KLHL42: variants seen among roughly 807,000 people sequenced by gnomAD.
The protein encoded by KLHL42 is kelch like family member 42, also known as kelch-like protein 42.
A neutral mutation model predicts 32.7 loss-of-function variants in KLHL42; 27 were observed. The observed-to-expected ratio is 0.83, with a 90% confidence interval of 0.61 to 1.14. The LOEUF (loss-of-function observed/expected upper bound fraction) is 1.14. Among genes scored for constraint, KLHL42 ranks in the 50% most tolerant of loss-of-function variants. KLHL42 has a pLI of 0.00. For missense variants in KLHL42, 491 were observed against 560.8 expected (o/e 0.88, Z 1.26); for synonymous variants, 267 against 248.2 (o/e 1.08, Z -0.71).
intron 1 of KLHL42, among the ~76,000 whole-genome samples, chr12:27,788,654 C>T (rs1448927996): frequency 2.0e-5 from 3 of 152,142 alleles, no homozygotes; most frequent in Admixed American, 2.0e-4. Context: ...ATGATCAGGC[C>T]ACTGCATTCC....
chr12:27,782,559 A>G (rs1196145171), intron 1 of KLHL42, among the ~76,000 whole-genome samples: 1 of 152,156 alleles, frequency 6.6e-6, no homozygotes, highest in East Asian at 1.9e-4. Flanking sequence ...TGAAACAACA[A>G]AGGAACATTG....
At position 27,791,791 on chromosome 12, in the gene KLHL42, C is replaced by T. The variant is rs140121553; in HGVS notation, c.956C>T (p.Pro319Leu). ...QAVSNVECYNPEQDAWNFVAP... is the reference protein window; with the variant it reads ...QAVSNVECYNLEQDAWNFVAP... ...GTTTCTAACGTTGAGTGTTACAACC[C>T]CGAGCAGGATGCGTGGAATTTTGTG... The change falls in exon 2 of 3, where the codon CCC (proline) becomes CTC (leucine). Residue 319 changes from proline to leucine, a missense_variant. Pro to Leu is a moderately conservative substitution (Grantham distance 98). Coordinates refer to ENST00000381271, the MANE Select transcript of KLHL42 (RefSeq NM_020782.2). The T allele has an allele frequency of 1.2e-6, 2 of 1,614,036 alleles. No individual in the cohort carries two copies. Among genetic ancestry groups the T allele is most frequent in the African/African-American group, 2.7e-5 (2 of 74,912 alleles).
Position 27,802,753 on chromosome 12 carries a change from A to C in KLHL42, c.*4587A>C, listed in dbSNP as rs1174617700. On this transcript the variant is annotated 3_prime_UTR_variant, in exon 3 of 3. Transcript: ENST00000381271. Reference sequence around the variant, plus strand: ...GTTGTCATTTTTCCTATTAAAAAAAACCCTTAAGAATGGGGCACTTGAGCT... The same window carrying C: ...GTTGTCATTTTTCCTATTAAAAAAACCCCTTAAGAATGGGGCACTTGAGCT... 1.3e-5 allele frequency: 2 copies of C among 152,440 alleles called. No homozygotes were observed. Among genetic ancestry groups the C allele is most frequent in the Admixed American group, 1.3e-4 (2 of 15,226 alleles). 9.4% of individuals were successfully genotyped at this position (152,440 alleles called of 1,614,324 possible). A position where few individuals can be genotyped will look rare whatever the true frequency, so the allele number is the denominator to read the frequency against.
intron 1 of KLHL42, among the ~76,000 whole-genome samples, chr12:27,783,709 G>A (rs1283113844): frequency 6.6e-6 from 1 of 151,998 alleles, no homozygotes; most frequent in East Asian, 1.9e-4. Context: ...AGCCTCCCGA[G>A]GAGCTGGGAC....
Position 27,802,466 on chromosome 12 carries a change from A to G in KLHL42, c.*4300A>G, listed in dbSNP as rs560538151. The G allele has an allele frequency of 4.6e-5, 7 of 152,724 alleles. No homozygotes were observed. Among genetic ancestry groups the G allele is most frequent in the African/African-American group, 1.4e-4 (6 of 41,582 alleles). The allele number at this position is 152,724 out of a possible 1,614,324, so 9.5% of individuals were successfully genotyped here. A position where few individuals can be genotyped will look rare whatever the true frequency, so the allele number is the denominator to read the frequency against. ...GATAATTATCAAAGGATAGTTTTTCATCCTTAGATTTTATTCACATGAGAG... is the reference window on the plus strand; with the variant it reads ...GATAATTATCAAAGGATAGTTTTTCGTCCTTAGATTTTATTCACATGAGAG... On this transcript the variant is annotated 3_prime_UTR_variant, in exon 3 of 3. Transcript: ENST00000381271.
In KLHL42 at chr12:27,793,643, A is replaced by G. The variant is rs531463777; in HGVS notation, c.1066+1742A>G. On this transcript the variant is annotated intron_variant, in intron 2 of 2. Coordinates refer to ENST00000381271, the MANE Select transcript of KLHL42 (RefSeq NM_020782.2). The stretch of plus-strand genomic sequence containing the variant: ...CAGAGGGGTGCCTTTCCTTCCCTCT[A>G]CTCTCCAAAGCAGATGTCTCCAAGT... Among the ~76,000 whole-genome samples, 12 of 152,132 alleles carry G rather than the reference A, an allele frequency of 7.9e-5. 1 individual carries two copies. Among genetic ancestry groups the G allele is most frequent in the Middle Eastern group, 6.8e-3 (2 of 294 alleles).
intron 2 of KLHL42, among the ~76,000 whole-genome samples, chr12:27,794,548 G>C (rs983371020): frequency 6.6e-6 from 1 of 152,162 alleles, no homozygotes; most frequent in Non-Finnish European, 1.5e-5. Context: ...AAATAGTGTA[G>C]TGGCACAGTC....
rs1261605387 is a variant in KLHL42 at position 27,802,625 on chromosome 12, T to A, written c.*4459T>A. 6.6e-6 allele frequency: 1 copy of A among 152,666 alleles called. No homozygotes were observed. The highest frequency in any genetic ancestry group is 6.5e-5 in the Admixed American group (1 of 15,284). The allele number at this position is 152,666 out of a possible 1,614,324, so 9.5% of individuals were successfully genotyped here. A position where few individuals can be genotyped will look rare whatever the true frequency, so the allele number is the denominator to read the frequency against. On this transcript the variant is annotated 3_prime_UTR_variant, in exon 3 of 3. Transcript: ENST00000381271. ...ATTAAATATAAAAGATGGTCAGTTT[T>A]GAAGAGCAAAGGGTGCTGAAATGAC...
intron 1 of KLHL42, 102 bp from the exon 2 acceptor site, chr12:27,791,606 A>T: frequency 1.9e-6 from 2 of 1,061,000 alleles, no homozygotes; most frequent in Non-Finnish European, 2.8e-6. Context: ...GGGAGAGCGA[A>T]TTTTCTTCAG....
At chr12:27,789,106 A>C (rs533847962) in intron 1 of KLHL42, among the ~76,000 whole-genome samples, 1 of 152,348 alleles carries the variant, frequency 6.6e-6, no homozygotes, top group Non-Finnish European at 1.5e-5. Context: ...CAACGCTCCC[A>C]AGGTTAAGAA....
At chr12:27,796,605 GAC>G (rs2062219731) in intron 2 of KLHL42, among the ~76,000 whole-genome samples, 1 of 151,952 alleles carries the variant, frequency 6.6e-6, no homozygotes, top group Non-Finnish European at 1.5e-5. Flanking sequence ...TTCAAAAAGA[GAC>G]GAGGCCATAT....
rs763503479 is a variant in KLHL42 at position 27,797,988 on chromosome 12, A to G, written c.1340A>G (p.His447Arg). ...GGTCTTAACTTGACTTGTGCGCTCC[A>G]TAACGACGGCATCTACATCATGAGC... ...KSGLNLTCAL[H>R]NDGIYIMSRD... Residue 447 changes from histidine (H) to arginine (R), a missense_variant, in exon 3 of 3, where the codon CAT (histidine) becomes CGT (arginine). Physicochemically the swap from His to Arg is conservative, Grantham distance 29. Coordinates refer to ENST00000381271, the MANE Select transcript of KLHL42 (RefSeq NM_020782.2). The G allele has an allele frequency of 7.7e-6, 6 of 781,070 alleles. No homozygotes were observed. The highest frequency in any genetic ancestry group is 1.7e-5 in the Admixed American group (1 of 59,038). 48.4% of individuals were successfully genotyped at this position (781,070 alleles called of 1,614,324 possible).
chr12:27,789,735 T>C (rs144388381), intron 1 of KLHL42, among the ~76,000 whole-genome samples: 13 of 152,232 alleles, frequency 8.5e-5, no homozygotes, highest in African/African-American at 2.2e-4. Flanking sequence ...TTAAGGACCA[T>C]TGGCAGCAAG....
rs748211052 is a variant in KLHL42 at position 27,780,469 on chromosome 12, G to A, written c.139G>A (p.Gly47Ser). Residue 47 changes from glycine (G) to serine (S), a missense_variant, in exon 1 of 3, where the codon GGC (glycine) becomes AGC (serine). Gly to Ser is a moderately conservative substitution (Grantham distance 56). Around this residue, in one of 4 missense-constraint regions of KLHL42, gnomAD observed 88 missense variants for 89.0 expected, o/e 0.99. Coordinates refer to ENST00000381271, the MANE Select transcript of KLHL42 (RefSeq NM_020782.2). The surrounding 1 kb of genome is among the most constrained non-coding windows in gnomAD (Gnocchi z 8.8). Reference sequence around the variant, plus strand: ...GCGCGAGGCCCTGAGCCAGGAGGCCGGCGGCCCGGAGGTGCAGCAGCTGCG... The same window carrying A: ...GCGCGAGGCCCTGAGCCAGGAGGCCAGCGGCCCGGAGGTGCAGCAGCTGCG... ...GMREALSQEA[G>S]GPEVQQLRGL... The A allele has an allele frequency of 1.3e-6, 2 of 1,544,368 alleles. No individual in the cohort carries two copies. Among genetic ancestry groups the A allele is most frequent in the East Asian group, 5.0e-5 (2 of 40,074 alleles).
At chr12:27,782,276 A>G (rs191677039) in intron 1 of KLHL42, among the ~76,000 whole-genome samples, 35 of 152,310 alleles carry the variant, frequency 2.3e-4, no homozygotes, top group African/African-American at 8.2e-4. Context: ...TTTGGGGGAA[A>G]TAACTGGCTT....
rs758115222 is a variant in KLHL42, at chr12:27,791,780, G to A, written c.945G>A (p.Glu315=). Residue 315 remains glutamate, a synonymous_variant, in exon 2 of 3, where the codon GAG becomes GAA. Coordinates refer to ENST00000381271, the MANE Select transcript of KLHL42 (RefSeq NM_020782.2). ...AIGGQAVSNV[E]CYNPEQDAWN... ...GAGGGCAGGCCGTTTCTAACGTTGAGTGTTACAACCCCGAGCAGGATGCGT... is the reference window on the plus strand; with the variant it reads ...GAGGGCAGGCCGTTTCTAACGTTGAATGTTACAACCCCGAGCAGGATGCGT... The A allele has an allele frequency of 1.2e-6, 2 of 1,614,194 alleles. No individual in the cohort carries two copies. The highest frequency in any genetic ancestry group is 2.2e-5 in the South Asian group (2 of 91,084).
chr12:27,781,252 A>G (rs1364790540), intron 1 of KLHL42, 50 bp downstream of exon 1: 7 of 1,585,114 alleles, frequency 4.4e-6, no homozygotes, highest in Non-Finnish European at 6.0e-6. Flanking sequence ...TCACTTGTTC[A>G]TTAGTTCATT....
chr12:27,784,221 G>A (rs962148780), intron 1 of KLHL42, among the ~76,000 whole-genome samples: 34 of 147,800 alleles, frequency 2.3e-4, no homozygotes, highest in Non-Finnish European at 4.5e-5. Flanking sequence ...TGCAAGCTCC[G>A]CCTCCCAGGT....
chr12:27,791,226 C>A (rs548941157), intron 1 of KLHL42, among the ~76,000 whole-genome samples: 13 of 152,260 alleles, frequency 8.5e-5, no homozygotes, highest in Admixed American at 2.0e-4. Context: ...CCTGACCTAC[C>A]CTTTAGCAGT....
Sources: allele counts gnomAD v4.1 joint callset (sites outside exome capture counted in the v4.1 genomes callset), GRCh38; gene constraint gnomAD v4.1.1; regional missense constraint gnomAD v4.1.1; non-coding constraint Gnocchi (gnomAD v3.1); transcripts MANE v1.5; gene names NCBI Gene and HGNC (gene_info 2026-07-23, HGNC 2026-07-21).